Variants in NKAIN2 observed in about 807,000 individuals in gnomAD.
The protein encoded by NKAIN2 is sodium/potassium transporting ATPase interacting 2, also known as sodium/potassium-transporting ATPase subunit beta-1-interacting protein 2.
NKAIN2 carries 14 observed loss-of-function variants against 32.6 expected under a neutral mutation model. That is an observed-to-expected ratio of 0.43 (90% CI 0.28 to 0.67). NKAIN2 has a LOEUF of 0.67. Among genes scored for constraint, NKAIN2 ranks in the 30% least tolerant of loss-of-function variants. NKAIN2 has a pLI of 0.17. For missense variants in NKAIN2, 198 were observed against 258.3 expected (o/e 0.77, Z 1.60); for synonymous variants, 80 against 87.2 (o/e 0.92, Z 0.46).
Position 124,504,969 on chromosome 6 carries a change from G to A in NKAIN2, c.273+149622G>A, listed in dbSNP as rs2325992. ...TACATTCTTGTGTATTCTTCGTGCAGACACATTTCACTACAGGATGAGACT... is the reference window on the plus strand; with the variant it reads ...TACATTCTTGTGTATTCTTCGTGCAAACACATTTCACTACAGGATGAGACT... On this transcript the variant is annotated intron_variant, in intron 3 of 6. Coordinates refer to ENST00000368417, the MANE Select transcript of NKAIN2 (RefSeq NM_001040214.3). Among the ~76,000 whole-genome samples, 1,355 of 152,274 alleles carry A rather than the reference G, an allele frequency of 8.9e-3. 23 individuals are homozygous for A. The highest frequency in any genetic ancestry group is 0.031 in the African/African-American group (1,277 of 41,552).
At chr6:124,820,669 G>A (rs1781357709) in intron 6 of NKAIN2, among the ~76,000 whole-genome samples, 2 of 152,188 alleles carry the variant, frequency 1.3e-5, no homozygotes, top group African/African-American at 2.4e-5. Context: ...GGTCTGTTAG[G>A]AGCTGAGCAC....
At chr6:124,632,485 T>C (rs1246364700) in intron 3 of NKAIN2, among the ~76,000 whole-genome samples, 2 of 152,182 alleles carry the variant, frequency 1.3e-5, no homozygotes, top group African/African-American at 4.8e-5. Context: ...TCTTTCCCAA[T>C]ATTTGTGCCT....
chr6:124,708,165 T>A (rs1235449002), intron 4 of NKAIN2, among the ~76,000 whole-genome samples: 5 of 145,392 alleles, frequency 3.4e-5, no homozygotes, highest in Non-Finnish European at 1.5e-5. Context: ...TATGCGGCAT[T>A]ATTTCTGAGG....
chr6:124,094,118 C>T (rs1175257020), intron 1 of NKAIN2, among the ~76,000 whole-genome samples: 1 of 152,042 alleles, frequency 6.6e-6, no homozygotes, highest in East Asian at 1.9e-4. Context: ...CATGTAACAC[C>T]CATTAACAAT....
intron 3 of NKAIN2, among the ~76,000 whole-genome samples, chr6:124,626,565 A>G (rs1312958250): frequency 6.6e-6 from 1 of 152,168 alleles, no homozygotes; most frequent in Non-Finnish European, 1.5e-5. Context: ...CATTATGTGT[A>G]ATGACTCATG....
At chr6:123,861,700 T>C (rs1322422670) in intron 1 of NKAIN2, among the ~76,000 whole-genome samples, 2 of 152,206 alleles carry the variant, frequency 1.3e-5, no homozygotes, top group Non-Finnish European at 2.9e-5. Context: ...TCTTCATCCG[T>C]GTAGAAAACA....
At chr6:124,697,477 C>T (rs972908289) in intron 4 of NKAIN2, among the ~76,000 whole-genome samples, 3 of 152,024 alleles carry the variant, frequency 2.0e-5, no homozygotes, top group Non-Finnish European at 4.4e-5. Flanking sequence ...TTTTTCATAT[C>T]GCAGTTATGA....
intron 1 of NKAIN2, among the ~76,000 whole-genome samples, chr6:123,884,026 G>C (rs1297911639): frequency 6.8e-6 from 1 of 147,864 alleles, no homozygotes; most frequent in African/African-American, 2.6e-5. Context: ...CTTGTGTCTT[G>C]GGGATTTGTT....
intron 3 of NKAIN2, among the ~76,000 whole-genome samples, chr6:124,497,071 C>T (rs1304971620): frequency 6.6e-6 from 1 of 152,092 alleles, no homozygotes; most frequent in East Asian, 1.9e-4. Context: ...GAGAAAGGTT[C>T]ACTTCCTACC....
chr6:124,795,325 T>C (rs987448253), intron 5 of NKAIN2, among the ~76,000 whole-genome samples: 2 of 152,052 alleles, frequency 1.3e-5, no homozygotes, highest in Admixed American at 1.3e-4. Context: ...CAGCAACAGG[T>C]GTATCCAGGA....
intron 3 of NKAIN2, among the ~76,000 whole-genome samples, chr6:124,556,405 A>T (rs1261252559): frequency 1.3e-5 from 2 of 152,222 alleles, no homozygotes; most frequent in Non-Finnish European, 2.9e-5. Flanking sequence ...TGATTAGGTC[A>T]TGAGGGCTTT....
intron 1 of NKAIN2, among the ~76,000 whole-genome samples, chr6:123,844,736 T>G (rs1775021344): frequency 6.6e-6 from 1 of 152,228 alleles, no homozygotes; most frequent in African/African-American, 2.4e-5. Context: ...ATTTAAATCC[T>G]GCTGTACAAG....
At chr6:124,073,855 C>A (rs1783572206) in intron 1 of NKAIN2, among the ~76,000 whole-genome samples, 1 of 152,098 alleles carries the variant, frequency 6.6e-6, no homozygotes, top group Non-Finnish European at 1.5e-5. Flanking sequence ...GGCTGAAAAG[C>A]TAAACAATTG....
intron 1 of NKAIN2, among the ~76,000 whole-genome samples, chr6:123,849,600 C>CA (rs1211729625): frequency 6.6e-6 from 1 of 152,008 alleles, no homozygotes; most frequent in Non-Finnish European, 1.5e-5. Flanking sequence ...TGGGTGTAGG[C>CA]AAAGCAGTTT....
intron 5 of NKAIN2, among the ~76,000 whole-genome samples, chr6:124,799,280 T>C (rs1028254357): frequency 8.5e-5 from 13 of 152,240 alleles, no homozygotes; most frequent in African/African-American, 3.1e-4. Context: ...TGAGCAATGG[T>C]TTGTTTTTCA....
At chr6:124,486,805 C>T (rs1320015754) in intron 3 of NKAIN2, among the ~76,000 whole-genome samples, 2 of 151,976 alleles carry the variant, frequency 1.3e-5, no homozygotes, top group Non-Finnish European at 2.9e-5. Context: ...CCTCACTGTG[C>T]GCGGCCTTCA....
intron 1 of NKAIN2, among the ~76,000 whole-genome samples, chr6:124,064,930 A>G (rs1449116712): frequency 1.3e-5 from 2 of 152,016 alleles, no homozygotes; most frequent in African/African-American, 2.4e-5. Flanking sequence ...TTAGTTGTCT[A>G]TCTCTGGGCT....
At chr6:124,045,865 C>CT (rs374951268) in intron 1 of NKAIN2, among the ~76,000 whole-genome samples, 59 of 152,036 alleles carry the variant, frequency 3.9e-4, no homozygotes, top group African/African-American at 1.4e-3. Flanking sequence ...TCATACATTA[C>CT]TAGAGGGGCA....
At chr6:123,882,946 CCTT>C (rs1773517045) in intron 1 of NKAIN2, among the ~76,000 whole-genome samples, 1 of 151,982 alleles carries the variant, frequency 6.6e-6, no homozygotes, top group South Asian at 2.1e-4. Flanking sequence ...AAACGGTGAG[CCTT>C]CTTGTTTGGT....
Sources: allele counts gnomAD v4.1 joint callset (sites outside exome capture counted in the v4.1 genomes callset), GRCh38; gene constraint gnomAD v4.1.1; transcripts MANE v1.5; gene names NCBI Gene and HGNC (gene_info 2026-07-23, HGNC 2026-07-21).